The following SMAD4 variants were observed in gnomAD, a reference collection of about 807,000 sequenced individuals.
SMAD4 encodes the protein MAD homolog 4.
SMAD4 carries 7 observed loss-of-function variants against 63.2 expected under a neutral mutation model. The ratio of observed to expected loss-of-function variants is 0.11; its 90% CI spans 0.06 to 0.21. The LOEUF is 0.21. Ranked by LOEUF, SMAD4 falls within the 10% of genes least tolerant of loss-of-function variation. SMAD4 has a pLI of 1.00. For missense variants in SMAD4, 312 were observed against 693.8 expected (o/e 0.45, Z 6.18); for synonymous variants, 215 against 235.4 (o/e 0.91, Z 0.79).
In SMAD4 at chr18:51,078,371, A is replaced by T. The variant is rs1599205437; in HGVS notation, c.1563A>T (p.Thr521=). 1 of 1,614,038 alleles carries T rather than the reference A, an allele frequency of 6.2e-7. No individual in the cohort carries two copies. The highest frequency in any genetic ancestry group is 1.3e-5 in the African/African-American group (1 of 74,924). ...PDYPRQSIKE[T]PCWIEIHLHR... ...ACCCAAGACAGAGCATCAAAGAAAC[A>T]CCTTGCTGGATTGAAATTCACTTAC... The change falls in exon 12 of 12, where the codon ACA becomes ACT. Residue 521 remains threonine, a synonymous_variant. Transcript: ENST00000342988.
At position 51,076,660 on chromosome 18, in the gene SMAD4, A is replaced by G; in HGVS notation, c.1331A>G (p.His444Arg). Reference protein sequence around the residue: ...YIKVFDLRQCHRQMQQQAATA... With the variant: ...YIKVFDLRQCRRQMQQQAATA... ...AAGGTCTTTGATTTGCGTCAGTGTCATCGACAGATGCAGCAGCAGGCGGCT... is the reference window on the plus strand; with the variant it reads ...AAGGTCTTTGATTTGCGTCAGTGTCGTCGACAGATGCAGCAGCAGGCGGCT... Residue 444 changes from histidine (H) to arginine (R), a missense_variant, in exon 11 of 12, where the codon CAT (histidine) becomes CGT (arginine). Transcript: ENST00000342988. 1.2e-6 allele frequency: 2 copies of G among 1,614,078 alleles called. No homozygotes were observed. Among genetic ancestry groups the G allele is most frequent in the Non-Finnish European group, 1.7e-6 (2 of 1,179,948 alleles).
rs74253912 is a variant in SMAD4 at position 51,073,304 on chromosome 18, G to A, written c.1309-3334G>A. Reference sequence around the variant, plus strand: ...GGGGTGGGGGAGTGTTAATGTTAAAGGCATACTTGAATCTTGGAGATTATA... The same window carrying A: ...GGGGTGGGGGAGTGTTAATGTTAAAAGCATACTTGAATCTTGGAGATTATA... On this transcript the variant is annotated intron_variant, in intron 10 of 11. Coordinates refer to ENST00000342988, the MANE Select transcript of SMAD4 (RefSeq NM_005359.6). Among the ~76,000 whole-genome samples, 74 of 141,988 alleles carry A rather than the reference G, an allele frequency of 5.2e-4. No individual in the cohort carries two copies. The East Asian group carries it at 0.013, about 26-fold the overall frequency. The allele number at this position is 141,988 out of a possible 152,430, so 93.1% of individuals were successfully genotyped here.
Position 51,084,290 on chromosome 18 carries a change from C to T in SMAD4, c.*5823C>T, listed in dbSNP as rs1054692559. The T allele has an allele frequency of 8.7e-6, 2 of 228,574 alleles. No homozygotes were observed. The highest frequency in any genetic ancestry group is 1.1e-4 in the Admixed American group (2 of 17,554). 14.2% of individuals were successfully genotyped at this position (228,574 alleles called of 1,614,324 possible). A position where few individuals can be genotyped will look rare whatever the true frequency, so the allele number is the denominator to read the frequency against. On this transcript the variant is annotated 3_prime_UTR_variant, in exon 12 of 12. Transcript: ENST00000342988. ...ATATTATGCTCAAAACAAGGAAATT[C>T]CCTTGAACCGTGTCAATTAAACTGG...
rs1468200065 is a variant in SMAD4 at position 51,080,897 on chromosome 18, G to A, written c.*2430G>A. On this transcript the variant is annotated 3_prime_UTR_variant, in exon 12 of 12. Coordinates refer to ENST00000342988, the MANE Select transcript of SMAD4 (RefSeq NM_005359.6). ...TTTCATGTTTAATCATCTGGGGAAA[G>A]TATGTGAAAAATATTTGTTAAGAAG... The A allele has an allele frequency of 2.2e-5, 4 of 185,742 alleles. No individual in the cohort carries two copies. The highest frequency in any genetic ancestry group is 4.6e-5 in the Non-Finnish European group (4 of 87,876). 11.5% of individuals were successfully genotyped at this position (185,742 alleles called of 1,614,324 possible). A position where few individuals can be genotyped will look rare whatever the true frequency, so the allele number is the denominator to read the frequency against.
At chr18:51,038,189 C>G (rs1909260635) in intron 1 of SMAD4, among the ~76,000 whole-genome samples, 1 of 150,180 alleles carries the variant, frequency 6.7e-6, no homozygotes, top group Non-Finnish European at 1.5e-5. Flanking sequence ...CCAGGGAGTT[C>G]AAGGCTGGAT....
Position 51,076,873 on chromosome 18 carries a change from T to TA in SMAD4, c.1447+100dup, listed in dbSNP as rs931427834. On this transcript the variant is annotated intron_variant, in intron 11 of 11. Transcript: ENST00000342988. ...AGTTTCTTTGAGCAGTAATAGAAAT[T>TA]AAAGTTTTTTTTTACTGGGATGATG... is the stretch of plus-strand genomic sequence containing the variant. 9.2e-5 allele frequency: 90 copies of TA among 976,312 alleles called. No homozygotes were observed. In the African/African-American group the frequency reaches 1.3e-3, roughly 14 times the overall value. The allele number at this position is 976,312 out of a possible 1,614,324, so 60.5% of individuals were successfully genotyped here. A position where few individuals can be genotyped will look rare whatever the true frequency, so the allele number is the denominator to read the frequency against.
At chr18:51,048,488 G>C (rs921413984) in intron 2 of SMAD4, among the ~76,000 whole-genome samples, 198 bp from the exon 3 acceptor site, 2 of 152,182 alleles carry the variant, frequency 1.3e-5, no homozygotes, top group Non-Finnish European at 2.9e-5. Flanking sequence ...CTGAGCACAG[G>C]CCTTGAAATT....
chr18:51,047,990 A>G (rs903793748), intron 2 of SMAD4, among the ~76,000 whole-genome samples: 1 of 152,182 alleles, frequency 6.6e-6, no homozygotes, highest in African/African-American at 2.4e-5. Flanking sequence ...GAAATCTGAT[A>G]TGTTTCACTG....
At chr18:51,043,018 A>G (rs1242394360) in intron 1 of SMAD4, among the ~76,000 whole-genome samples, 3 of 152,336 alleles carry the variant, frequency 2.0e-5, no homozygotes, top group Admixed American at 6.5e-5. Flanking sequence ...TTTATTATAC[A>G]TTCTAACTTA....
Position 51,040,986 on chromosome 18 carries a change from T to C in SMAD4, c.-127-5934T>C, listed in dbSNP as rs1029339320. Among the ~76,000 whole-genome samples the C allele has an allele frequency of 4.6e-5, 7 of 152,312 alleles. 1 individual carries two copies. The highest frequency in any genetic ancestry group is 5.9e-5 in the Non-Finnish European group (4 of 68,018). On this transcript the variant is annotated intron_variant, in intron 1 of 11. Coordinates refer to ENST00000342988, the MANE Select transcript of SMAD4 (RefSeq NM_005359.6). ...TGGGTCGTCTTTTATTTGTCCCCCC[T>C]TTTTCACCCTTCATATTTCAGTTGG...
intron 10 of SMAD4, among the ~76,000 whole-genome samples, chr18:51,071,768 C>T (rs1910324507): frequency 6.6e-6 from 1 of 152,200 alleles, no homozygotes; most frequent in Admixed American, 6.5e-5. Flanking sequence ...ACCCTTTTAA[C>T]TATCACCCCC....
intron 4 of SMAD4, 63 bp downstream of exon 4, chr18:51,049,387 G>T: frequency 8.0e-7 from 1 of 1,248,046 alleles, no homozygotes; most frequent in South Asian, 1.2e-5. Flanking sequence ...TTTTTTTGTT[G>T]ACCTAGAATT....
chr18:51,041,472 G>C (rs537570768), intron 1 of SMAD4, among the ~76,000 whole-genome samples: 2 of 152,104 alleles, frequency 1.3e-5, no homozygotes, highest in South Asian at 2.1e-4. Context: ...TTTATTTTGC[G>C]TGTTGTCCAG....
At chr18:51,032,084 A>G (rs1189236729) in intron 1 of SMAD4, among the ~76,000 whole-genome samples, 1 of 152,236 alleles carries the variant, frequency 6.6e-6, no homozygotes, top group Non-Finnish European at 1.5e-5. Context: ...AGATGGACCA[A>G]GCATTTGTAA....
chr18:51,038,251 TG>T (rs374538576), intron 1 of SMAD4, among the ~76,000 whole-genome samples: 1,189 of 94,806 alleles, frequency 0.013, 16 homozygotes, highest in African/African-American at 0.039. Flanking sequence ...AGCGAGACTG[TG>T]GGGGGGGGGG....
At chr18:51,042,692 G>A (rs1695405994) in intron 1 of SMAD4, among the ~76,000 whole-genome samples, 1 of 151,712 alleles carries the variant, frequency 6.6e-6, no homozygotes, top group Admixed American at 6.6e-5. Context: ...CACTGTACCC[G>A]GACTTGGTTG....
intron 1 of SMAD4, among the ~76,000 whole-genome samples, chr18:51,042,012 T>C (rs1298513412): frequency 6.6e-6 from 1 of 152,168 alleles, no homozygotes; most frequent in Non-Finnish European, 1.5e-5. Flanking sequence ...ATAATATGTT[T>C]GGGTCTTCCA....
intron 8 of SMAD4, among the ~76,000 whole-genome samples, chr18:51,064,926 A>T (rs1284350791): frequency 6.6e-6 from 1 of 152,208 alleles, no homozygotes; most frequent in East Asian, 1.9e-4. Flanking sequence ...ATCTATAAAA[A>T]TATGTCATGA....
At chr18:51,037,755 A>G (rs1015900800) in intron 1 of SMAD4, among the ~76,000 whole-genome samples, 1 of 152,186 alleles carries the variant, frequency 6.6e-6, no homozygotes, top group Non-Finnish European at 1.5e-5. Flanking sequence ...TTTTTATTTA[A>G]CAGGATGACA....
Sources: gnomAD v4.1 joint callset for allele counts (sites outside exome capture counted in the v4.1 genomes callset) on GRCh38, gnomAD v4.1.1 for gene constraint, MANE v1.5 for transcripts, NCBI Gene and HGNC (gene_info 2026-07-23, HGNC 2026-07-21) for gene names.